Variants in TMTC1 observed in about 807,000 individuals in gnomAD.
TMTC1 encodes transmembrane O-mannosyltransferase targeting cadherins 1.
In TMTC1, 73 loss-of-function variants were observed where a neutral mutation model predicts 104.8. The ratio of observed to expected loss-of-function variants is 0.70; its 90% CI spans 0.58 to 0.85. The LOEUF (loss-of-function observed/expected upper bound fraction) is 0.85. Among genes scored for constraint, TMTC1 ranks in the 40% least tolerant of loss-of-function variants. The pLI, the probability that TMTC1 is intolerant of heterozygous loss-of-function variation, is 0.00. For missense variants in TMTC1, 1,035 were observed against 1,096.1 expected, an observed-to-expected ratio of 0.94 and a Z score of 0.79; for synonymous variants, 434 against 428.7, an observed-to-expected ratio of 1.01 and a Z score of -0.15.
chr12:29,760,224 G>T (rs1327498738), intron 2 of TMTC1, among the ~76,000 whole-genome samples: 4 of 152,134 alleles, frequency 2.6e-5, no homozygotes, highest in African/African-American at 9.6e-5. Context: ...ATGCATAATT[G>T]TATATACATA....
chr12:29,748,958 G>T (rs1380387056), intron 5 of TMTC1, among the ~76,000 whole-genome samples: 2 of 152,098 alleles, frequency 1.3e-5, no homozygotes, highest in Non-Finnish European at 2.9e-5. Context: ...TGCTTTTGAG[G>T]TTATTTATGT....
In TMTC1 at chr12:29,655,855, A is replaced by G. The variant is rs183035937; in HGVS notation, c.939-22519T>C. Among the ~76,000 whole-genome samples, 10 of 152,184 alleles carry G rather than the reference A, an allele frequency of 6.6e-5. No homozygotes were observed. The East Asian group carries it at 7.7e-4, about 12-fold the overall frequency. ...TAACCATAACAGCTACTAAATGGGG[A>G]AAAAAAAGCTAAACTGAAAACTCTC... On this transcript the variant is annotated intron_variant, in intron 5 of 17. Coordinates refer to ENST00000539277, the MANE Select transcript of TMTC1 (RefSeq NM_001193451.2).
intron 10 of TMTC1, among the ~76,000 whole-genome samples, chr12:29,554,005 T>C (rs1213414987): frequency 1.3e-5 from 2 of 152,170 alleles, no homozygotes; most frequent in Non-Finnish European, 2.9e-5. Context: ...AAAATACTCA[T>C]CTATATGATT....
chr12:29,655,221 T>A lies in TMTC1; in HGVS notation c.939-21885A>T, dbSNP rs573062568. On this transcript the variant is annotated intron_variant, in intron 5 of 17. Transcript: ENST00000539277. ...TATATACATGTTCAGAATAGGTAAA[T>A]CTACAGACACAGAAAGTAGACCAGT... Among the ~76,000 whole-genome samples, 4 of 152,208 alleles carry A rather than the reference T, an allele frequency of 2.6e-5. No individual in the cohort carries two copies. In the South Asian group the frequency reaches 8.3e-4, roughly 32 times the overall value.
chr12:29,784,335 C>G (rs899770619), upstream of TMTC1: 12 of 152,258 alleles, frequency 7.9e-5, no homozygotes, highest in African/African-American at 2.9e-4. Flanking sequence ...GCCGCTGCTT[C>G]CCGGGAAGTT....
intron 5 of TMTC1, among the ~76,000 whole-genome samples, chr12:29,705,347 C>T (rs1941711426): frequency 1.3e-5 from 2 of 152,180 alleles, no homozygotes; most frequent in African/African-American, 4.8e-5. Context: ...TTATTTTGAG[C>T]TGATTATTTT....
rs565888861 is a variant in TMTC1 at position 29,602,332 on chromosome 12, C to G, written c.1250+1846G>C. Among the ~76,000 whole-genome samples the G allele has an allele frequency of 2.6e-5, 4 of 152,162 alleles. No homozygotes were observed. The South Asian group carries it at 8.3e-4, about 32-fold the overall frequency. ...AAGTTTTTGTTATTTTCTGTAGAGG[C>G]AGGGTCTCACCATGTTGCCCAGGCT... On this transcript the variant is annotated intron_variant, in intron 7 of 17. Transcript: ENST00000539277.
chr12:29,678,509 C>G (rs978691789), intron 5 of TMTC1, among the ~76,000 whole-genome samples: 1 of 152,154 alleles, frequency 6.6e-6, no homozygotes, highest in African/African-American at 2.4e-5. Context: ...TTTGAAGATG[C>G]AGAGCCACAA....
At chr12:29,761,971 A>G (rs193104007) in intron 2 of TMTC1, among the ~76,000 whole-genome samples, 74 of 152,164 alleles carry the variant, frequency 4.9e-4, no homozygotes, top group Admixed American at 1.4e-3. Flanking sequence ...AGATCCCTTG[A>G]GCTCAGGAGT....
intron 2 of TMTC1, among the ~76,000 whole-genome samples, chr12:29,762,985 A>T (rs1387092112): frequency 1.3e-5 from 2 of 152,244 alleles, no homozygotes; most frequent in East Asian, 3.9e-4. Flanking sequence ...TCTTGAGATA[A>T]GCCTAAGCAT....
At position 29,545,190 on chromosome 12, in the gene TMTC1, C is replaced by A. The variant is rs1264460143; in HGVS notation, c.1677-8873G>T. Reference sequence around the variant, plus strand: ...GCAGGATGCTATTACAATGCAAGTACTTCCTCTGGAGAGAAAAGGGACTTT... The same window carrying A: ...GCAGGATGCTATTACAATGCAAGTAATTCCTCTGGAGAGAAAAGGGACTTT... On this transcript the variant is annotated intron_variant, in intron 10 of 17. Coordinates refer to ENST00000539277, the MANE Select transcript of TMTC1 (RefSeq NM_001193451.2). Among the ~76,000 whole-genome samples the A allele has an allele frequency of 2.0e-5, 3 of 151,948 alleles. No homozygotes were observed. In the East Asian group the frequency reaches 5.8e-4, roughly 29 times the overall value.
At chr12:29,645,063 T>C (rs1179404015) in intron 5 of TMTC1, among the ~76,000 whole-genome samples, 7 of 152,204 alleles carry the variant, frequency 4.6e-5, no homozygotes, top group South Asian at 2.1e-4. Context: ...GCAGTGACTA[T>C]GTCTGTCTAT....
At chr12:29,579,930 T>A (rs1945929800) in intron 8 of TMTC1, among the ~76,000 whole-genome samples, 1 of 152,176 alleles carries the variant, frequency 6.6e-6, no homozygotes, top group African/African-American at 2.4e-5. Flanking sequence ...CAGATTTGGG[T>A]TCAAATCTTG....
intron 6 of TMTC1, among the ~76,000 whole-genome samples, chr12:29,610,752 C>T (rs1024067368): frequency 3.3e-5 from 5 of 152,106 alleles, no homozygotes; most frequent in African/African-American, 7.2e-5. Flanking sequence ...AATGTAGACA[C>T]GGAAAGGTGC....
chr12:29,611,683 T>A (rs892119582), intron 6 of TMTC1, among the ~76,000 whole-genome samples: 9 of 152,218 alleles, frequency 5.9e-5, no homozygotes, highest in African/African-American at 2.2e-4. Flanking sequence ...TAGAAAGCTA[T>A]GTATTGAATT....
At chr12:29,778,254 T>C (rs1441102852) in intron 1 of TMTC1, among the ~76,000 whole-genome samples, 9 of 152,216 alleles carry the variant, frequency 5.9e-5, no homozygotes, top group Admixed American at 2.6e-4. Flanking sequence ...ATTTGCTTAG[T>C]TTCCCCATCT....
chr12:29,566,601 CACA>C (rs777280417), intron 9 of TMTC1, among the ~76,000 whole-genome samples: 7 of 152,138 alleles, frequency 4.6e-5, no homozygotes, highest in Non-Finnish European at 1.0e-4. Flanking sequence ...AGGTGAAAAC[CACA>C]ACACCAGTTA....
At chr12:29,591,158 T>C (rs907072842) in intron 7 of TMTC1, among the ~76,000 whole-genome samples, 2 of 152,204 alleles carry the variant, frequency 1.3e-5, no homozygotes, top group Admixed American at 6.5e-5. Flanking sequence ...TATCACATTC[T>C]TAAAAGTCTG....
In TMTC1 at chr12:29,783,324, G is replaced by A; in HGVS notation, c.302+126C>T. 1 of 805,692 alleles carries A rather than the reference G, an allele frequency of 1.2e-6. No homozygotes were observed. The allele number at this position is 805,692 out of a possible 1,614,324, so 49.9% of individuals were successfully genotyped here. ...TGCCATGCACATCCTGGAGAGGAGG[G>A]AGGCGTGGAGGGAAAGGGCGGCAAA... On this transcript the variant is annotated intron_variant, in intron 1 of 17. Transcript: ENST00000539277. The surrounding 1 kb of genome is among the most constrained non-coding windows in gnomAD (Gnocchi z 4.7).
Sources: gnomAD v4.1 joint callset for allele counts (sites outside exome capture counted in the v4.1 genomes callset) on GRCh38, gnomAD v4.1.1 for gene constraint, Gnocchi (gnomAD v3.1) non-coding constraint, MANE v1.5 for transcripts, NCBI Gene and HGNC (gene_info 2026-07-23, HGNC 2026-07-21) for gene names.